Variants in GABRA2 observed in about 807,000 individuals in gnomAD.
The protein encoded by GABRA2 is gamma-aminobutyric acid receptor subunit alpha-2.
Under a neutral mutation model 48.7 loss-of-function variants are expected in GABRA2, and 16 were observed. The observed-to-expected ratio is 0.33, with a 90% CI of 0.22 to 0.50. The LOEUF is 0.50. Ranked by LOEUF, GABRA2 falls within the 20% of genes least tolerant of loss-of-function variation. The probability of loss-of-function intolerance (pLI) is 0.98; values close to 1 mark genes in which losing one functional copy is unlikely to be tolerated. For missense variants in GABRA2, 275 were observed against 535.6 expected (o/e 0.51, Z 4.80); for synonymous variants, 185 against 184.5 (o/e 1.00, Z -0.02).
chr4:46,258,558 A>G (rs1045188711), intron 9 of GABRA2, among the ~76,000 whole-genome samples: 5 of 151,840 alleles, frequency 3.3e-5, no homozygotes, highest in African/African-American at 1.2e-4. Context: ...CATTAAAGAA[A>G]GCAGAATTGA....
chr4:46,298,883 G>C (rs1725228896), intron 8 of GABRA2, among the ~76,000 whole-genome samples: 2 of 151,530 alleles, frequency 1.3e-5, no homozygotes, highest in Admixed American at 1.3e-4. Context: ...TATTATCTTG[G>C]AATTTTCTAT....
At chr4:46,378,932 A>G (rs542104257) in intron 3 of GABRA2, among the ~76,000 whole-genome samples, 168 of 152,280 alleles carry the variant, frequency 1.1e-3, no homozygotes, top group African/African-American at 3.9e-3. Flanking sequence ...GCTTCTATCT[A>G]ATATAATACA....
At chr4:46,325,592 C>T (rs1055399090) in intron 4 of GABRA2, among the ~76,000 whole-genome samples, 3 of 151,786 alleles carry the variant, frequency 2.0e-5, no homozygotes, top group Admixed American at 6.6e-5. Flanking sequence ...AGGTCCCTGT[C>T]GTCTATTTTT....
At chr4:46,281,725 C>G (rs562678668) in intron 8 of GABRA2, among the ~76,000 whole-genome samples, 1 of 152,042 alleles carries the variant, frequency 6.6e-6, no homozygotes, top group Non-Finnish European at 1.5e-5. Flanking sequence ...ACTTTGAGGA[C>G]AGTAAAAACA....
intron 4 of GABRA2, among the ~76,000 whole-genome samples, chr4:46,324,657 C>A (rs1730027325): frequency 6.6e-6 from 1 of 151,428 alleles, no homozygotes. Flanking sequence ...GTATGATGTG[C>A]AAATTATTTT....
At chr4:46,290,916 C>A (rs1184681765) in intron 8 of GABRA2, among the ~76,000 whole-genome samples, 2 of 151,958 alleles carry the variant, frequency 1.3e-5, no homozygotes, top group African/African-American at 4.8e-5. Context: ...TTATGTTGAT[C>A]CACCCTTGTT....
chr4:46,340,859 T>C (rs1467874550), intron 3 of GABRA2, among the ~76,000 whole-genome samples: 2 of 152,016 alleles, frequency 1.3e-5, no homozygotes, highest in East Asian at 3.9e-4. Context: ...AGAAATTCTA[T>C]TATGCAAATG....
chr4:46,270,990 T>TAA (rs1719213242), intron 8 of GABRA2, among the ~76,000 whole-genome samples: 1 of 106,826 alleles, frequency 9.4e-6, no homozygotes. Flanking sequence ...GTGCCCCTAC[T>TAA]ATATAAAAAA....
At chr4:46,297,138 T>C (rs1337102211) in intron 8 of GABRA2, among the ~76,000 whole-genome samples, 1 of 152,072 alleles carries the variant, frequency 6.6e-6, no homozygotes, top group Non-Finnish European at 1.5e-5. Flanking sequence ...ATGCAAAGTA[T>C]TGATCCTGGG....
intron 3 of GABRA2, among the ~76,000 whole-genome samples, chr4:46,346,915 A>G (rs1234348020): frequency 6.6e-6 from 1 of 151,932 alleles, no homozygotes; most frequent in Non-Finnish European, 1.5e-5. Context: ...CAGAGCTGAT[A>G]AATTAATTAA....
intron 3 of GABRA2, chr4:46,369,018 GA>G: frequency 1.4e-6 from 1 of 700,528 alleles, no homozygotes; most frequent in Non-Finnish European, 2.6e-6. Context: ...TGGGAAAGAA[GA>G]AAGCTATTAA....
At chr4:46,331,968 C>T (rs561915459) in intron 4 of GABRA2, among the ~76,000 whole-genome samples, 1 of 152,196 alleles carries the variant, frequency 6.6e-6, no homozygotes, top group East Asian at 1.9e-4. Context: ...AGCAGTCCTC[C>T]CACCTCAGCC....
At chr4:46,273,869 A>G (rs891883337) in intron 8 of GABRA2, among the ~76,000 whole-genome samples, 1 of 152,050 alleles carries the variant, frequency 6.6e-6, no homozygotes, top group Non-Finnish European at 1.5e-5. Context: ...GGAGAAGCAT[A>G]TCTATTCATT....
At position 46,305,331 on chromosome 4, in the gene GABRA2, T is replaced by C. The variant is rs558174545; in HGVS notation, c.703+237A>G. 2.6e-5 allele frequency among the ~76,000 whole-genome samples: 4 copies of C among 151,064 alleles called. No individual in the cohort carries two copies. In the East Asian group the frequency reaches 7.9e-4, roughly 30 times the overall value. ...TAATATTAAATGACGAGTTGATGTG[T>C]GCAGCACACCAACATGGCACATGTA... On this transcript the variant is annotated intron_variant, in intron 7 of 9. Transcript: ENST00000381620.
chr4:46,284,729 G>A (rs1039286198), intron 8 of GABRA2, among the ~76,000 whole-genome samples: 9 of 151,892 alleles, frequency 5.9e-5, no homozygotes, highest in Non-Finnish European at 1.0e-4. Context: ...CAGCATGAAC[G>A]CCATAAAGAC....
chr4:46,339,057 G>A (rs1489810001), intron 3 of GABRA2, among the ~76,000 whole-genome samples: 1 of 151,882 alleles, frequency 6.6e-6, no homozygotes, highest in African/African-American at 2.4e-5. Context: ...GAGTAAGTGA[G>A]TGAGTGAGTG....
At chr4:46,358,238 C>A (rs950514754) in intron 3 of GABRA2, among the ~76,000 whole-genome samples, 1 of 152,092 alleles carries the variant, frequency 6.6e-6, no homozygotes, top group African/African-American at 2.4e-5. Context: ...TACGATGTCC[C>A]ATGATGCAAT....
chr4:46,357,363 C>T (rs1736162246), intron 3 of GABRA2, among the ~76,000 whole-genome samples: 1 of 148,630 alleles, frequency 6.7e-6, no homozygotes, highest in South Asian at 2.2e-4. Flanking sequence ...CCCATAAGCC[C>T]TAAACAGCTA....
At chr4:46,345,475 C>G (rs555174596) in intron 3 of GABRA2, among the ~76,000 whole-genome samples, 2 of 151,844 alleles carry the variant, frequency 1.3e-5, no homozygotes, top group Middle Eastern at 3.4e-3. Context: ...GTTTATGTTC[C>G]TGAGAGCAAC....
Sources: gnomAD v4.1 joint callset for allele counts (sites outside exome capture counted in the v4.1 genomes callset) on GRCh38, gnomAD v4.1.1 for gene constraint, MANE v1.5 for transcripts, NCBI Gene and HGNC (gene_info 2026-07-23, HGNC 2026-07-21) for gene names.